Variants in HR observed in about 807,000 individuals in gnomAD.
HR encodes the protein HR lysine demethylase and nuclear receptor corepressor.
HR carries 83 observed loss-of-function variants against 128.6 expected under a neutral mutation model. That is an observed-to-expected ratio of 0.65 (90% CI 0.54 to 0.77). HR has a LOEUF of 0.77. Among genes scored for constraint, HR ranks in the 30% least tolerant of loss-of-function variants. The pLI is 0.00. For synonymous variants in HR, 681 were observed against 658.2 expected, an observed-to-expected ratio of 1.03 and a Z score of -0.53; for missense variants, 1,490 against 1,574.6, an observed-to-expected ratio of 0.95 and a Z score of 0.91.
At chr8:22,126,251 C>T (rs1586383278) in intron 3 of HR, among the ~76,000 whole-genome samples, 1 of 148,156 alleles carries the variant, frequency 6.7e-6, no homozygotes, top group South Asian at 2.1e-4. Context: ...CAGACAGGCC[C>T]ATGCCAGGTG....
Position 22,130,479 on chromosome 8 carries a change from GCACC to G in HR, c.-96_-93del, listed in dbSNP as rs1827022593. 6.6e-6 allele frequency: 1 copy of G among 152,204 alleles called. No homozygotes were observed. The allele number at this position is 152,204 out of a possible 1,614,324, so 9.4% of individuals were successfully genotyped here. A position where few individuals can be genotyped will look rare whatever the true frequency, so the allele number is the denominator to read the frequency against. ...CGGGCGGTGGCGGTCGTCGTGGCCG[GCACC>G]GGGCGCCTGCTCCCCATGGGCCAGC... On this transcript the variant is annotated 5_prime_UTR_variant, in exon 1 of 19. It removes the in-frame stop codon of an upstream open reading frame in the 5' UTR. Coordinates refer to ENST00000381418, the MANE Select transcript of HR (RefSeq NM_005144.5).
At position 22,121,079 on chromosome 8, in the gene HR, G is replaced by A. The variant is rs1157012460; in HGVS notation, c.2353C>T (p.Pro785Ser). The A allele has an allele frequency of 1.9e-6, 3 of 1,613,706 alleles. No homozygotes were observed. In the East Asian group the frequency reaches 6.7e-5, roughly 36 times the overall value. ...RIHMAFAPVT[P>S]ALPSDDRITN... The stretch of plus-strand genomic sequence containing the variant: ...CCCTCACTCACACTGGGCAGGGCCG[G>A]AGTGACGGGGGCGAAGGCCATGTGT... The change falls in exon 10 of 19, where the codon CCG becomes TCG. Residue 785 changes from proline (P) to serine (S), a missense_variant. Around this residue, in one of 3 missense-constraint regions of HR, gnomAD observed 1,060 missense variants for 1,060.9 expected, o/e 1.00. Coordinates refer to ENST00000381418, the MANE Select transcript of HR (RefSeq NM_005144.5).
chr8:22,128,586 C>G lies in HR; in HGVS notation c.585G>C (p.Val195=), dbSNP rs1243103871. 1 of 1,610,378 alleles carries G rather than the reference C, an allele frequency of 6.2e-7. No individual in the cohort carries two copies. Among genetic ancestry groups the G allele is most frequent in the African/African-American group, 1.3e-5 (1 of 74,924 alleles). ...TGCTGCCTAAGCTGAAGGCAGAGGG[C>G]ACTTTGGGCTGGCCCCCGGAGTATA... ...PWVYSGGQPK[V]PSAFSLGSKG... Residue 195 remains valine, a synonymous_variant, in exon 2 of 19, where the codon GTG becomes GTC. Coordinates refer to ENST00000381418, the MANE Select transcript of HR (RefSeq NM_005144.5).
chr8:22,116,729 C>T lies in HR; in HGVS notation c.3378+146G>A. On this transcript the variant is annotated intron_variant, in intron 17 of 18. Transcript: ENST00000381418. This position sits in a 1 kb window ranked among gnomAD's most constrained non-coding sequence, Gnocchi z 4.2. ...AGTGACTTCAAGGCCTCTTGGCTCC[C>T]CCGTTATCTCTTCCCCACAGCAGCG... 8.2e-7 allele frequency: 1 copy of T among 1,217,352 alleles called. No individual in the cohort carries two copies. Among genetic ancestry groups the T allele is most frequent in the Non-Finnish European group, 1.2e-6 (1 of 858,252 alleles). 75.4% of individuals were successfully genotyped at this position (1,217,352 alleles called of 1,614,324 possible).
At chr8:22,117,176 G>T in intron 16 of HR, 137 bp from the exon 17 acceptor site, 2 of 893,886 alleles carry the variant, frequency 2.2e-6, no homozygotes, top group Non-Finnish European at 3.3e-6. Flanking sequence ...GGCAGGGAGG[G>T]CATGGCTGAG....
chr8:22,125,574 T>C lies in HR; in HGVS notation c.1556+8A>G. ...GGGCACTGGAGGTGTCCAGGGGCAATGGCTCACCTCCGCACTTGCTGAGAG... is the reference window on the plus strand; with the variant it reads ...GGGCACTGGAGGTGTCCAGGGGCAACGGCTCACCTCCGCACTTGCTGAGAG... On this transcript the variant is annotated splice_region_variant and intron_variant, in intron 4 of 18. Transcript: ENST00000381418. 6.2e-7 allele frequency: 1 copy of C among 1,612,900 alleles called. No individual in the cohort carries two copies. The highest frequency in any genetic ancestry group is 8.5e-7 in the Non-Finnish European group (1 of 1,179,634).
intron 5 of HR, among the ~76,000 whole-genome samples, chr8:22,124,864 A>C (rs1241486892): frequency 6.6e-6 from 1 of 152,066 alleles, no homozygotes; most frequent in Non-Finnish European, 1.5e-5. Flanking sequence ...CTGAAGATGC[A>C]CCAAGGGGCC....
Position 22,119,827 on chromosome 8 carries a change from G to A in HR, c.2910C>T (p.Asn970=), listed in dbSNP as rs765314207. 10 of 1,613,708 alleles carry A rather than the reference G, an allele frequency of 6.2e-6. No homozygotes were observed. In the Admixed American group the frequency reaches 6.7e-5, roughly 11 times the overall value. Reference sequence around the variant, plus strand: ...GGCCCGGTGGGAGGTAGGAAGCCAGGTTGAGTTTTCCATGGAGGGCGCAGT... The same window carrying A: ...GGCCCGGTGGGAGGTAGGAAGCCAGATTGAGTTTTCCATGGAGGGCGCAGT... ...PEYCALHGKL[N]LASYLPPGLA... is the part of the protein sequence containing the mutation. The change falls in exon 14 of 19, where the codon AAC becomes AAT. Residue 970 remains asparagine, a synonymous_variant. Transcript: ENST00000381418.
intron 2 of HR, 171 bp downstream of exon 2, chr8:22,128,387 AG>A: frequency 1.2e-6 from 1 of 864,142 alleles, no homozygotes; most frequent in East Asian, 2.6e-5. Context: ...GGAGCTGCTC[AG>A]GGTAGGGCTT....
chr8:22,125,957 G>A (rs375789003), intron 3 of HR, among the ~76,000 whole-genome samples: 93 of 152,326 alleles, frequency 6.1e-4, no homozygotes, highest in African/African-American at 2.2e-3. Context: ...ACCGGCAGCC[G>A]AGCGAAGAGG....
At position 22,116,397 on chromosome 8, in the gene HR, G is replaced by A; in HGVS notation, c.3410C>T (p.Thr1137Ile). The change falls in exon 18 of 19, where the codon ACT becomes ATT. Residue 1137 changes from threonine (T) to isoleucine (I), a missense_variant. Physicochemically the swap from Thr to Ile is moderately conservative, Grantham distance 89. Transcript: ENST00000381418. The surrounding 1 kb of genome is among the most constrained non-coding windows in gnomAD (Gnocchi z 4.2). ...VQGLVSTVSV[T>I]QHFLSPETSA... is the part of the protein sequence containing the mutation. ...GGTCTCAGGGGAGAGGAAGTGCTGA[G>A]TGACGCTGACTGTGCTCACCAGGCC... is the stretch of plus-strand genomic sequence containing the variant. 3 of 1,613,838 alleles carry A rather than the reference G, an allele frequency of 1.9e-6. No homozygotes were observed. The highest frequency in any genetic ancestry group is 1.7e-6 in the Non-Finnish European group (2 of 1,179,962).
chr8:22,122,942 G>C (rs1277309689), intron 6 of HR, 63 bp from the exon 7 acceptor site: 2 of 1,476,060 alleles, frequency 1.4e-6, no homozygotes, highest in African/African-American at 1.4e-5. Flanking sequence ...GTTAAGGTCA[G>C]AGAAGGTCAG....
rs752466435 is a variant in HR at position 22,128,772 on chromosome 8, A to C, written c.399T>G (p.Ser133Arg). The part of the protein sequence containing the change: ...MPEHSGGHLK[S>R]DPVAFRPWHC... ...GCCAGGGCCGGAAGGCCACAGGGTCACTCTTGAGATGGCCACCACTATGCT... is the reference window on the plus strand; with the variant it reads ...GCCAGGGCCGGAAGGCCACAGGGTCCCTCTTGAGATGGCCACCACTATGCT... Residue 133 changes from serine to arginine, a missense_variant, in exon 2 of 19, where the codon AGT becomes AGG. This residue lies in a region of HR where 1,060 missense variants were observed against 1,060.9 expected (regional missense o/e 1.00). Transcript: ENST00000381418. 1 of 1,609,052 alleles carries C rather than the reference A, an allele frequency of 6.2e-7. No individual in the cohort carries two copies. The highest frequency in any genetic ancestry group is 2.2e-5 in the East Asian group (1 of 44,794).
At chr8:22,123,616 A>G in intron 6 of HR, 33 bp downstream of exon 6, 12 of 562,332 alleles carry the variant, frequency 2.1e-5, no homozygotes, top group Non-Finnish European at 3.3e-5. Flanking sequence ...TGAGGGCTCC[A>G]TCCCGCCCTC....
In HR at chr8:22,127,201, G is replaced by T; in HGVS notation, c.1241C>A (p.Ala414Glu). 1.2e-6 allele frequency: 2 copies of T among 1,612,990 alleles called. No homozygotes were observed. Among genetic ancestry groups the T allele is most frequent in the Non-Finnish European group, 1.7e-6 (2 of 1,180,004 alleles). The change falls in exon 3 of 19, where the codon GCA (alanine) becomes GAA (glutamate). Residue 414 changes from alanine (A) to glutamate (E), a missense_variant. Coordinates refer to ENST00000381418, the MANE Select transcript of HR (RefSeq NM_005144.5). ...TGCTCCCTGGACCTCGGGGCTGCCTGCCCTTTTGAGGGCCCGGAGCCGAGC... is the reference window on the plus strand; with the variant it reads ...TGCTCCCTGGACCTCGGGGCTGCCTTCCCTTTTGAGGGCCCGGAGCCGAGC... Reference protein sequence around the residue: ...PVARLRALKRAGSPEVQGAMG... With the variant: ...PVARLRALKREGSPEVQGAMG...
At chr8:22,115,804 C>T (rs775124173) in intron 18 of HR, 42 bp from the exon 19 acceptor site, 2 of 1,585,374 alleles carry the variant, frequency 1.3e-6, no homozygotes, top group East Asian at 2.2e-5. Flanking sequence ...AACTACATTC[C>T]TGGGCCCACC....
At chr8:22,126,100 G>C (rs999999972) in intron 3 of HR, among the ~76,000 whole-genome samples, 31 of 152,226 alleles carry the variant, frequency 2.0e-4, no homozygotes, top group African/African-American at 7.5e-4. Flanking sequence ...CGTGACATGA[G>C]GAGACAATCC....
intron 3 of HR, among the ~76,000 whole-genome samples, 163 bp from the exon 4 acceptor site, chr8:22,125,895 G>A (rs1412733783): frequency 2.0e-5 from 3 of 152,246 alleles, no homozygotes; most frequent in African/African-American, 4.8e-5. Flanking sequence ...CCAGGCAGCT[G>A]GAAGGCTCGC....
In HR at chr8:22,122,847, G is replaced by T. The variant is rs1826790100; in HGVS notation, c.1948C>A (p.Gln650Lys). ...GAACAGGCAGCGTGCCCGGCCTCCT[G>T]CGTGCACTCCTCCGCGGACTGCTCC... is the stretch of plus-strand genomic sequence containing the variant. The part of the protein sequence containing the change: ...FQEQSAEECT[Q>K]EAGHAACSLM... Residue 650 changes from glutamine to lysine, a missense_variant, in exon 7 of 19, where the codon CAG becomes AAG. Coordinates refer to ENST00000381418, the MANE Select transcript of HR (RefSeq NM_005144.5). 1.3e-6 allele frequency: 2 copies of T among 1,555,736 alleles called. No individual in the cohort carries two copies. Among genetic ancestry groups the T allele is most frequent in the Admixed American group, 1.9e-5 (1 of 51,834 alleles).
Sources: allele counts gnomAD v4.1 joint callset (sites outside exome capture counted in the v4.1 genomes callset), GRCh38; gene constraint gnomAD v4.1.1; regional missense constraint gnomAD v4.1.1; non-coding constraint Gnocchi (gnomAD v3.1); transcripts MANE v1.5; gene names NCBI Gene and HGNC (gene_info 2026-07-23, HGNC 2026-07-21).